The following GABRA2 variants were observed in gnomAD, a reference collection of about 807,000 sequenced individuals.
GABRA2 encodes the protein gamma-aminobutyric acid type A receptor subunit alpha2.
In GABRA2, 16 loss-of-function variants were observed where a neutral mutation model predicts 48.7. The observed-to-expected ratio is 0.33, with a 90% CI of 0.22 to 0.50. The LOEUF (loss-of-function observed/expected upper bound fraction) is 0.50. Among genes scored for constraint, GABRA2 ranks in the 20% least tolerant of loss-of-function variants. The pLI is 0.98. For missense variants in GABRA2, 275 were observed against 535.6 expected (o/e 0.51, Z 4.80); for synonymous variants, 185 against 184.5 (o/e 1.00, Z -0.02).
chr4:46,274,011 C>T (rs530526472), intron 8 of GABRA2, among the ~76,000 whole-genome samples: 93 of 151,910 alleles, frequency 6.1e-4, no homozygotes, highest in Non-Finnish European at 8.4e-4. Flanking sequence ...TAGCTATAAG[C>T]GGGGGGGCAG....
intron 4 of GABRA2, among the ~76,000 whole-genome samples, chr4:46,329,232 C>A (rs1239732842): frequency 6.6e-6 from 1 of 152,020 alleles, no homozygotes; most frequent in African/African-American, 2.4e-5. Flanking sequence ...TTTGTGATAC[C>A]TGATGGATCC....
In GABRA2 at chr4:46,312,627, A is replaced by G. The variant is rs1727847114; in HGVS notation, c.345T>C (p.Asn115=). The G allele has an allele frequency of 2.5e-6, 4 of 1,569,398 alleles. No individual in the cohort carries two copies. Among genetic ancestry groups the G allele is most frequent in the Non-Finnish European group, 3.4e-6 (4 of 1,161,608 alleles). The change falls in exon 5 of 10, where the codon AAT becomes AAC. Residue 115 remains asparagine (N), a synonymous_variant. Coordinates refer to ENST00000381620, the MANE Select transcript of GABRA2 (RefSeq NM_000807.4). ...KGPMNILRLN[N]LMASKIWTPD... is the part of the protein sequence containing the mutation. ...GAGTCCAGATTTTGCTAGCCATTAA[A>G]TTGTTTAGTCGAAGGATATTCATAG... is the stretch of plus-strand genomic sequence containing the variant.
intron 8 of GABRA2, among the ~76,000 whole-genome samples, chr4:46,266,451 G>T: frequency 6.7e-6 from 1 of 149,572 alleles, no homozygotes; most frequent in Admixed American, 6.7e-5. Flanking sequence ...ATCTTCCCAT[G>T]GCCTCTGGTC....
At chr4:46,267,468 T>TTTCTAATGA (rs1228951739) in intron 8 of GABRA2, among the ~76,000 whole-genome samples, 1 of 152,042 alleles carries the variant, frequency 6.6e-6, no homozygotes, top group Non-Finnish European at 1.5e-5. Context: ...TCAGGTAGAA[T>TTTCTAATGA]TTCTAATGAT....
chr4:46,330,591 T>TATATATATAGAGAGAGAGAG (rs1411755120), intron 4 of GABRA2, among the ~76,000 whole-genome samples: 56 of 122,642 alleles, frequency 4.6e-4, no homozygotes, highest in Admixed American at 8.6e-4. Context: ...TATATATATA[T>TATATATATAGAGAGAGAGAG]AGAGAGAGAG....
intron 3 of GABRA2, among the ~76,000 whole-genome samples, chr4:46,352,721 C>T (rs1402402087): frequency 1.3e-5 from 2 of 152,020 alleles, no homozygotes; most frequent in African/African-American, 4.8e-5. Flanking sequence ...GTACTTGTCT[C>T]TATATATCCA....
At chr4:46,257,138 T>C (rs1032149591) in intron 9 of GABRA2, among the ~76,000 whole-genome samples, 1 of 151,720 alleles carries the variant, frequency 6.6e-6, no homozygotes, top group Admixed American at 6.6e-5. Flanking sequence ...GAAACAGACT[T>C]ACTTACAATA....
intron 8 of GABRA2, among the ~76,000 whole-genome samples, chr4:46,298,395 T>A (rs1045277514): frequency 4.6e-5 from 7 of 152,056 alleles, no homozygotes; most frequent in Non-Finnish European, 8.8e-5. Flanking sequence ...ATCTTTACAG[T>A]TCTGTATATG....
rs186303847 is a variant in GABRA2, at chr4:46,298,472, C to A, written c.856+4988G>T. Among the ~76,000 whole-genome samples the A allele has an allele frequency of 5.3e-5, 8 of 152,012 alleles. No individual in the cohort carries two copies. In the East Asian group the frequency reaches 1.2e-3, roughly 22 times the overall value. ...AATAGTGGAAATGCATTTGATGATG[C>A]TTAGAATTGAACTTGTTCTAATTTT... On this transcript the variant is annotated intron_variant, in intron 8 of 9. Transcript: ENST00000381620.
intron 3 of GABRA2, among the ~76,000 whole-genome samples, chr4:46,379,895 A>G (rs1391505317): frequency 6.6e-6 from 1 of 151,854 alleles, no homozygotes; most frequent in Non-Finnish European, 1.5e-5. Context: ...ACCTTTCCCT[A>G]TCTTCCCCTC....
At position 46,250,554 on chromosome 4, in the gene GABRA2, A is replaced by G. The variant is rs1435164674; in HGVS notation, c.1110T>C (p.Ala370=). 3 of 1,611,704 alleles carry G rather than the reference A, an allele frequency of 1.9e-6. No homozygotes were observed. The highest frequency in any genetic ancestry group is 4.5e-5 in the East Asian group (2 of 44,774). ...VMIQNNAYAV[A]VANYAPNLSK... is the part of the protein sequence containing the mutation. ...AAAGATTCGGGGCATAATTGGCAAC[A>G]GCCACTGCATAAGCGTTGTTCTGTA... The change falls in exon 10 of 10, where the codon GCT becomes GCC. Residue 370 remains alanine, a synonymous_variant. Coordinates refer to ENST00000381620, the MANE Select transcript of GABRA2 (RefSeq NM_000807.4).
intron 6 of GABRA2, among the ~76,000 whole-genome samples, chr4:46,306,648 C>T (rs111570139): frequency 0.016 from 2,386 of 152,222 alleles, 65 homozygotes; most frequent in African/African-American, 0.055. Flanking sequence ...TTAGAGATGT[C>T]GTTACCCCTA....
intron 3 of GABRA2, among the ~76,000 whole-genome samples, chr4:46,351,085 T>C (rs1735045955): frequency 6.6e-6 from 1 of 151,428 alleles, no homozygotes; most frequent in Admixed American, 6.6e-5. Flanking sequence ...TCACTTCAAC[T>C]CATTTTATTA....
intron 4 of GABRA2, among the ~76,000 whole-genome samples, chr4:46,324,317 C>T (rs1312144768): frequency 6.6e-6 from 1 of 151,948 alleles, no homozygotes; most frequent in Non-Finnish European, 1.5e-5. Flanking sequence ...CTAAAATCCT[C>T]ATCATGGGAT....
At chr4:46,313,701 T>G (rs1168719441) in intron 4 of GABRA2, among the ~76,000 whole-genome samples, 1 of 152,062 alleles carries the variant, frequency 6.6e-6, no homozygotes, top group Non-Finnish European at 1.5e-5. Context: ...GGATATTAAT[T>G]TTTTGTCAGT....
At chr4:46,272,975 C>T (rs926375143) in intron 8 of GABRA2, among the ~76,000 whole-genome samples, 10 of 151,834 alleles carry the variant, frequency 6.6e-5, no homozygotes, top group Non-Finnish European at 1.3e-4. Context: ...GTACACATGC[C>T]ATGGTGGTTT....
At chr4:46,389,519 C>T in intron 1 of GABRA2, 1 of 572,086 alleles carries the variant, frequency 1.7e-6, no homozygotes, top group Non-Finnish European at 2.2e-6. Context: ...TGCTGCCGAG[C>T]AGGTGTCCTG....
At chr4:46,274,846 A>G (rs1720171314) in intron 8 of GABRA2, among the ~76,000 whole-genome samples, 1 of 152,026 alleles carries the variant, frequency 6.6e-6, no homozygotes, top group African/African-American at 2.4e-5. Flanking sequence ...CTTCCCTGTT[A>G]TTTCTAATTG....
chr4:46,262,861 C>T (rs538537749), intron 8 of GABRA2, among the ~76,000 whole-genome samples: 3 of 151,364 alleles, frequency 2.0e-5, no homozygotes, highest in Admixed American at 2.0e-4. Flanking sequence ...CACGATGCTA[C>T]ACTCCAGCCT....
Sources: gnomAD v4.1 joint callset for allele counts (sites outside exome capture counted in the v4.1 genomes callset) on GRCh38, gnomAD v4.1.1 for gene constraint, MANE v1.5 for transcripts, NCBI Gene and HGNC (gene_info 2026-07-23, HGNC 2026-07-21) for gene names.